VPS13B: variants seen among roughly 807,000 people sequenced by gnomAD.
VPS13B encodes the protein intermembrane lipid transfer protein VPS13B.
In VPS13B, 285 loss-of-function variants were observed where a neutral mutation model predicts 426.4. The observed-to-expected ratio is 0.67, with a 90% confidence interval of 0.61 to 0.74. The LOEUF (loss-of-function observed/expected upper bound fraction) is 0.74, where lower values mean the gene tolerates loss of function less well. Ranked by LOEUF, VPS13B falls within the 30% of genes least tolerant of loss-of-function variation. The probability of loss-of-function intolerance (pLI) is 0.00; values close to 1 mark genes in which losing one functional copy is unlikely to be tolerated. For missense variants in VPS13B, 4,537 were observed against 4,782.6 expected (o/e 0.95, Z 1.51); for synonymous variants, 1,676 against 1,676.4 (o/e 1.00, Z 0.01).
At chr8:99,040,555 C>G (rs190767603) in intron 3 of VPS13B, among the ~76,000 whole-genome samples, 1 of 152,184 alleles carries the variant, frequency 6.6e-6, no homozygotes, top group African/African-American at 2.4e-5. Context: ...GTAGATGAAA[C>G]AGATTTTAAA....
chr8:99,388,279 C>T (rs1307438983), intron 20 of VPS13B, among the ~76,000 whole-genome samples: 1 of 151,990 alleles, frequency 6.6e-6, no homozygotes, highest in Admixed American at 6.6e-5. Context: ...TAGGTTGGCA[C>T]TCAAAGGGGA....
chr8:99,079,504 T>C (rs1228463396), intron 3 of VPS13B, among the ~76,000 whole-genome samples: 1 of 152,226 alleles, frequency 6.6e-6, no homozygotes, highest in African/African-American at 2.4e-5. Flanking sequence ...TACTCTAGTT[T>C]ATAAATGTTA....
intron 17 of VPS13B, among the ~76,000 whole-genome samples, chr8:99,242,010 G>C (rs543446411): frequency 6.6e-6 from 1 of 151,710 alleles, no homozygotes; most frequent in Non-Finnish European, 1.5e-5. Context: ...TTGGAGTCTC[G>C]CTATTGTCAG....
intron 5 of VPS13B, among the ~76,000 whole-genome samples, chr8:99,109,523 T>G (rs1847248568): frequency 6.6e-6 from 1 of 152,024 alleles, no homozygotes; most frequent in Non-Finnish European, 1.5e-5. Flanking sequence ...GCTGTGATTT[T>G]CTGCATTTGC....
intron 43 of VPS13B, among the ~76,000 whole-genome samples, chr8:99,785,533 A>C (rs1466180761): frequency 1.3e-5 from 2 of 152,134 alleles, no homozygotes; most frequent in Non-Finnish European, 2.9e-5. Flanking sequence ...TTTTTCATAA[A>C]AATTTTTTCA....
chr8:99,192,787 T>C (rs1403202864), intron 16 of VPS13B, 89 bp from the exon 17 acceptor site: 1 of 1,443,664 alleles, frequency 6.9e-7, no homozygotes, highest in East Asian at 2.3e-5. Context: ...ATGTATACCC[T>C]TTCTTCCCTT....
intron 43 of VPS13B, among the ~76,000 whole-genome samples, chr8:99,808,824 A>T (rs930023919): frequency 6.6e-6 from 1 of 152,002 alleles, no homozygotes; most frequent in Non-Finnish European, 1.5e-5. Flanking sequence ...AATACATCAT[A>T]TCTTACATTT....
chr8:99,561,451 A>G (rs1186716377), intron 31 of VPS13B, among the ~76,000 whole-genome samples: 1 of 152,202 alleles, frequency 6.6e-6, no homozygotes, highest in Non-Finnish European at 1.5e-5. Flanking sequence ...ATGATTTATA[A>G]TGGGTCAATT....
chr8:99,679,011 GT>G (rs1171016078), intron 35 of VPS13B, among the ~76,000 whole-genome samples: 2 of 152,148 alleles, frequency 1.3e-5, no homozygotes, highest in Non-Finnish European at 2.9e-5. Context: ...GCTTCTCTAT[GT>G]TTTAAACCTT....
At chr8:99,253,393 TA>T (rs1817602951) in intron 17 of VPS13B, among the ~76,000 whole-genome samples, 1 of 152,138 alleles carries the variant, frequency 6.6e-6, no homozygotes, top group Non-Finnish European at 1.5e-5. Flanking sequence ...ACTTTCTGAG[TA>T]ACTGCCAAAT....
chr8:99,396,463 C>T (rs1409310540), intron 21 of VPS13B, among the ~76,000 whole-genome samples: 1 of 152,094 alleles, frequency 6.6e-6, no homozygotes, highest in Non-Finnish European at 1.5e-5. Flanking sequence ...ATTGAAACTG[C>T]CAGAGTATAG....
intron 15 of VPS13B, among the ~76,000 whole-genome samples, chr8:99,169,057 A>G (rs1812179687): frequency 6.6e-6 from 1 of 151,976 alleles, no homozygotes; most frequent in African/African-American, 2.4e-5. Flanking sequence ...TAGTATTTTG[A>G]AATCAGTTAT....
intron 39 of VPS13B, among the ~76,000 whole-genome samples, chr8:99,763,135 C>CAGAAA (rs1298112887): frequency 1.1e-4 from 4 of 35,842 alleles, no homozygotes; most frequent in African/African-American, 5.6e-4. Context: ...GACCTTGTCT[C>CAGAAA]AAAAAAAAAA....
intron 15 of VPS13B, among the ~76,000 whole-genome samples, chr8:99,166,313 A>C (rs950271041): frequency 6.6e-6 from 1 of 152,188 alleles, no homozygotes; most frequent in Non-Finnish European, 1.5e-5. Context: ...AATGAGAAGA[A>C]TGGAACTCTT....
intron 23 of VPS13B, among the ~76,000 whole-genome samples, chr8:99,458,687 T>A (rs1236633416): frequency 6.6e-6 from 1 of 152,274 alleles, no homozygotes; most frequent in East Asian, 1.9e-4. Context: ...GAGCATGTTT[T>A]CATGTGTCTT....
chr8:99,876,502 G>C lies in VPS13B; in HGVS notation c.*836G>C, dbSNP rs1817708691. The C allele has an allele frequency of 6.6e-6, 1 of 152,162 alleles. No individual in the cohort carries two copies. Among genetic ancestry groups the C allele is most frequent in the African/African-American group, 2.4e-5 (1 of 41,428 alleles). 9.4% of individuals were successfully genotyped at this position (152,162 alleles called of 1,614,324 possible). ...CAAAGTGTTCAGGTGAGTTTCTCTA[G>C]TTCCATAAACAAAACATACATAGTG... is the stretch of plus-strand genomic sequence containing the variant. On this transcript the variant is annotated 3_prime_UTR_variant, in exon 62 of 62. Transcript: ENST00000357162.
chr8:99,418,459 CTTTCTT>C (rs1456173987), intron 21 of VPS13B, among the ~76,000 whole-genome samples: 91 of 37,498 alleles, frequency 2.4e-3, no homozygotes, highest in Middle Eastern at 0.029. Flanking sequence ...TCATAGTTTT[CTTTCTT>C]TCTTTCTTTC....
intron 30 of VPS13B, among the ~76,000 whole-genome samples, chr8:99,530,674 C>T (rs913333570): frequency 1.3e-5 from 2 of 151,154 alleles, no homozygotes; most frequent in African/African-American, 4.8e-5. Context: ...TAGCTAACAT[C>T]TATTGAGTGC....
chr8:99,872,446 G>T (rs773245192), intron 61 of VPS13B, among the ~76,000 whole-genome samples: 1 of 152,150 alleles, frequency 6.6e-6, no homozygotes, highest in Non-Finnish European at 1.5e-5. Context: ...CTGGCTCCTG[G>T]CCTGCATAAA....
Sources: allele counts gnomAD v4.1 joint callset (sites outside exome capture counted in the v4.1 genomes callset), GRCh38; gene constraint gnomAD v4.1.1; transcripts MANE v1.5; gene names NCBI Gene and HGNC (gene_info 2026-07-23, HGNC 2026-07-21).